Variants in EML6 observed in about 807,000 individuals in gnomAD.
EML6 encodes EMAP like 6, also known as echinoderm microtubule-associated protein-like 6.
A neutral mutation model predicts 240.1 loss-of-function variants in EML6; 154 were observed. That is an observed-to-expected ratio of 0.64 (90% confidence interval 0.56 to 0.73). The LOEUF (loss-of-function observed/expected upper bound fraction) is 0.73, where lower values mean the gene tolerates loss of function less well. Among genes scored for constraint, EML6 ranks in the 30% least tolerant of loss-of-function variants. The pLI, the probability that EML6 is intolerant of heterozygous loss-of-function variation, is 0.00. For missense variants in EML6, 2,964 were observed against 2,474.6 expected (o/e 1.20, Z -4.20); for synonymous variants, 1,148 against 899.0 (o/e 1.28, Z -4.95).
At chr2:54,968,430 G>A (rs1676845167) in intron 40 of EML6, 149 bp downstream of exon 40, 2 of 831,934 alleles carry the variant, frequency 2.4e-6, no homozygotes, top group African/African-American at 1.7e-5. Context: ...TCACCTCCTG[G>A]AGGGGCAGTC....
At chr2:54,876,898 A>G (rs1245383968) in intron 16 of EML6, among the ~76,000 whole-genome samples, 1 of 152,150 alleles carries the variant, frequency 6.6e-6, no homozygotes, top group African/African-American at 2.4e-5. Context: ...TATTAGCTAT[A>G]GTCACCTTAA....
chr2:54,775,931 A>G (rs1668575975), intron 2 of EML6, among the ~76,000 whole-genome samples: 1 of 152,140 alleles, frequency 6.6e-6, no homozygotes, highest in South Asian at 2.1e-4. Context: ...TGACAACCTT[A>G]CTTGGTCATG....
chr2:54,788,432 G>C (rs377431615), intron 2 of EML6, among the ~76,000 whole-genome samples: 1 of 152,180 alleles, frequency 6.6e-6, no homozygotes, highest in Middle Eastern at 3.2e-3. Context: ...CTGTGAGAGG[G>C]GCATCTGGTC....
intron 28 of EML6, among the ~76,000 whole-genome samples, chr2:54,944,594 A>G (rs2104458702): frequency 6.6e-6 from 1 of 152,240 alleles, no homozygotes; most frequent in South Asian, 2.1e-4. Context: ...ATAACTTTGT[A>G]TTCACCTAAA....
intron 25 of EML6, among the ~76,000 whole-genome samples, chr2:54,916,486 A>G (rs1169814090): frequency 7.3e-6 from 1 of 137,786 alleles, no homozygotes; most frequent in African/African-American, 2.7e-5. Flanking sequence ...CTAGTTAAGA[A>G]CTAAAATACC....
chr2:54,808,320 C>G (rs570478379), intron 2 of EML6, among the ~76,000 whole-genome samples: 1 of 152,330 alleles, frequency 6.6e-6, no homozygotes, highest in Non-Finnish European at 1.5e-5. Flanking sequence ...TTTGCCTTTT[C>G]TGCCTTGCAG....
At chr2:54,850,605 A>C (rs2103747720) in intron 10 of EML6, among the ~76,000 whole-genome samples, 1 of 152,324 alleles carries the variant, frequency 6.6e-6, no homozygotes, top group Non-Finnish European at 1.5e-5. Context: ...AAAATGGGCA[A>C]ATCTCACATG....
chr2:54,947,955 G>T (rs574644628), intron 28 of EML6, among the ~76,000 whole-genome samples: 1 of 152,304 alleles, frequency 6.6e-6, no homozygotes, highest in Admixed American at 6.5e-5. Context: ...TTGCTAATGC[G>T]GCTCTAAACT....
At chr2:54,936,815 G>C (rs1474226048) in intron 28 of EML6, among the ~76,000 whole-genome samples, 1 of 152,090 alleles carries the variant, frequency 6.6e-6, no homozygotes, top group Non-Finnish European at 1.5e-5. Flanking sequence ...AGGTTTAACT[G>C]CTCCTTCTTT....
At chr2:54,832,277 C>T (rs745983234) in intron 7 of EML6, among the ~76,000 whole-genome samples, 2 of 152,242 alleles carry the variant, frequency 1.3e-5, no homozygotes, top group Non-Finnish European at 2.9e-5. Context: ...GAAACTTGCT[C>T]TGAATCCCTC....
chr2:54,959,220 C>G lies in EML6; in HGVS notation c.4812C>G (p.Thr1604=), dbSNP rs887617703. The change falls in exon 34 of 42, where the codon ACC becomes ACG. Residue 1604 remains threonine, a synonymous_variant. Transcript: ENST00000356458. ...HTGPVFTMYT[T]LRDGLIVTGG... ...GCCCCGTGTTCACAATGTACACAAC[C>G]CTTCGGGATGGACTCATAGTGACCG... is the stretch of plus-strand genomic sequence containing the variant. The G allele has an allele frequency of 2.5e-5, 38 of 1,550,936 alleles. 1 individual carries two copies. In the Admixed American group the frequency reaches 7.3e-4, roughly 30 times the overall value.
intron 12 of EML6, among the ~76,000 whole-genome samples, chr2:54,860,385 G>A (rs1558622769): frequency 6.6e-6 from 1 of 152,148 alleles, no homozygotes; most frequent in Non-Finnish European, 1.5e-5. Context: ...CTGAGAAGGA[G>A]CTTAAAAAAT....
intron 2 of EML6, among the ~76,000 whole-genome samples, chr2:54,764,209 G>T (rs910625467): frequency 1.8e-4 from 27 of 152,208 alleles, no homozygotes; most frequent in Admixed American, 1.8e-3. Flanking sequence ...GTGCCTGTCT[G>T]CCTGTAAAAT....
chr2:54,823,750 G>C (rs1441067213), intron 5 of EML6, among the ~76,000 whole-genome samples: 5 of 152,164 alleles, frequency 3.3e-5, no homozygotes, highest in Middle Eastern at 3.4e-3. Flanking sequence ...ACCCTAGGGG[G>C]TTAGGTGGGA....
intron 26 of EML6, among the ~76,000 whole-genome samples, chr2:54,927,900 C>G (rs1442116149): frequency 6.6e-6 from 1 of 152,230 alleles, no homozygotes; most frequent in African/African-American, 2.4e-5. Flanking sequence ...ACTGCCTGGA[C>G]TGTAGTACAA....
At chr2:54,886,077 C>A (rs543321351) in intron 17 of EML6, among the ~76,000 whole-genome samples, 3 of 150,930 alleles carry the variant, frequency 2.0e-5, no homozygotes, top group African/African-American at 7.3e-5. Context: ...CATAATGAAC[C>A]TTCTGTACCC....
At chr2:54,886,379 C>G (rs190126043) in intron 17 of EML6, among the ~76,000 whole-genome samples, 100 of 152,168 alleles carry the variant, frequency 6.6e-4, no homozygotes, top group African/African-American at 2.4e-3. Flanking sequence ...GTTGGCCAGG[C>G]TGGTCTCTAA....
intron 28 of EML6, among the ~76,000 whole-genome samples, chr2:54,935,433 C>T (rs1675085911): frequency 1.3e-5 from 2 of 152,202 alleles, no homozygotes; most frequent in Admixed American, 6.5e-5. Context: ...TTTGTAACTA[C>T]TTTTGCGTAT....
intron 10 of EML6, among the ~76,000 whole-genome samples, chr2:54,852,653 T>G (rs1670153368): frequency 6.6e-6 from 1 of 152,198 alleles, no homozygotes; most frequent in Non-Finnish European, 1.5e-5. Flanking sequence ...ACAGACGTTT[T>G]TATTTTGTTG....
Sources: allele counts gnomAD v4.1 joint callset (sites outside exome capture counted in the v4.1 genomes callset), GRCh38; gene constraint gnomAD v4.1.1; transcripts MANE v1.5; gene names NCBI Gene and HGNC (gene_info 2026-07-23, HGNC 2026-07-21).